Variants in DMXL2 observed in about 807,000 individuals in gnomAD.
DMXL2 encodes the protein dmX-like protein 2.
Under a neutral mutation model 331.1 loss-of-function variants are expected in DMXL2, and 103 were observed. The ratio of observed to expected loss-of-function variants is 0.31; its 90% confidence interval spans 0.27 to 0.37. The LOEUF is 0.37. Ranked by LOEUF, DMXL2 falls within the 10% of genes least tolerant of loss-of-function variation. DMXL2 has a pLI of 1.00. For missense variants in DMXL2, 3,171 were observed against 3,642.9 expected (o/e 0.87, Z 3.33); for synonymous variants, 1,281 against 1,252.1 (o/e 1.02, Z -0.49).
intron 2 of DMXL2, among the ~76,000 whole-genome samples, chr15:51,574,967 A>G (rs2050921794): frequency 6.6e-6 from 1 of 152,166 alleles, no homozygotes; most frequent in South Asian, 2.1e-4. Flanking sequence ...GAGCAACAAA[A>G]AATTAAAAAG....
At chr15:51,497,594 T>G (rs1005541551) in intron 18 of DMXL2, among the ~76,000 whole-genome samples, 1 of 152,234 alleles carries the variant, frequency 6.6e-6, no homozygotes, top group Non-Finnish European at 1.5e-5. Flanking sequence ...TTCTGATCAT[T>G]AATTTTCAGT....
intron 28 of DMXL2, 86 bp downstream of exon 28, chr15:51,474,258 G>T: frequency 7.5e-7 from 1 of 1,334,852 alleles, no homozygotes; most frequent in Non-Finnish European, 1.0e-6. Flanking sequence ...TATTTTCAAA[G>T]TGAAATTTCT....
intron 22 of DMXL2, among the ~76,000 whole-genome samples, chr15:51,486,840 C>A (rs1009182098): frequency 6.6e-6 from 1 of 152,074 alleles, no homozygotes; most frequent in African/African-American, 2.4e-5. Flanking sequence ...GCAATATGAG[C>A]ATCTCTCAGT....
rs181908686 is a variant in DMXL2 at position 51,529,247 on chromosome 15, G to T, written c.2436+6416C>A. On this transcript the variant is annotated intron_variant, in intron 13 of 43. Coordinates refer to ENST00000560891, the MANE Select transcript of DMXL2 (RefSeq NM_001378457.1). ...CAAACCCAAAATTGGTAAAGGAAAA[G>T]AAATAATAAAGATCAGAGCATAAAT... Among the ~76,000 whole-genome samples, 7 of 151,874 alleles carry T rather than the reference G, an allele frequency of 4.6e-5. No individual in the cohort carries two copies. The East Asian group carries it at 7.7e-4, about 17-fold the overall frequency.
At chr15:51,478,391 T>C in intron 25 of DMXL2, 44 bp from the exon 26 acceptor site, 1 of 1,533,066 alleles carries the variant, frequency 6.5e-7, no homozygotes, top group Non-Finnish European at 9.0e-7. Context: ...CTAACATTTC[T>C]ACACAACAGT....
At chr15:51,505,495 C>T (rs2046349280) in intron 16 of DMXL2, among the ~76,000 whole-genome samples, 1 of 152,222 alleles carries the variant, frequency 6.6e-6, no homozygotes, top group African/African-American at 2.4e-5. Context: ...CTAGAAATTA[C>T]TACATTCTCT....
intron 2 of DMXL2, among the ~76,000 whole-genome samples, chr15:51,572,770 A>T (rs1479656112): frequency 6.6e-6 from 1 of 152,124 alleles, no homozygotes; most frequent in Admixed American, 6.6e-5. Context: ...AAACTAGGTA[A>T]TGATGGAACG....
At chr15:51,580,845 T>G (rs2051359984) in intron 1 of DMXL2, among the ~76,000 whole-genome samples, 1 of 152,222 alleles carries the variant, frequency 6.6e-6, no homozygotes, top group African/African-American at 2.4e-5. Flanking sequence ...ATAATCCTAT[T>G]CTTATAGACC....
At chr15:51,594,939 G>C (rs555009697) in intron 1 of DMXL2, among the ~76,000 whole-genome samples, 1 of 151,074 alleles carries the variant, frequency 6.6e-6, no homozygotes, top group South Asian at 2.1e-4. Context: ...TATCTATGAC[G>C]GTCTGTCATA....
At chr15:51,574,155 C>G (rs897441250) in intron 2 of DMXL2, among the ~76,000 whole-genome samples, 2 of 152,236 alleles carry the variant, frequency 1.3e-5, no homozygotes, top group Admixed American at 6.5e-5. Flanking sequence ...GGGGAAAGAG[C>G]TGATGAAGAC....
chr15:51,513,440 A>G (rs1189253497), intron 15 of DMXL2, among the ~76,000 whole-genome samples: 1 of 152,216 alleles, frequency 6.6e-6, no homozygotes, highest in Non-Finnish European at 1.5e-5. Flanking sequence ...GAATAACACA[A>G]ATAAGAAAAG....
intron 15 of DMXL2, 56 bp downstream of exon 15, chr15:51,514,386 T>TA: frequency 9.7e-7 from 1 of 1,035,596 alleles, no homozygotes; most frequent in East Asian, 2.6e-5. Context: ...AGTGAAAACT[T>TA]AGAGATCATT....
chr15:51,602,709 T>C (rs1453665664), intron 1 of DMXL2, among the ~76,000 whole-genome samples: 1 of 152,206 alleles, frequency 6.6e-6, no homozygotes, highest in African/African-American at 2.4e-5. Flanking sequence ...ATAGAGTATA[T>C]TCAGCTAGCA....
At chr15:51,574,645 A>G (rs1011667126) in intron 2 of DMXL2, among the ~76,000 whole-genome samples, 1 of 152,218 alleles carries the variant, frequency 6.6e-6, no homozygotes, top group Non-Finnish European at 1.5e-5. Context: ...CAAGGTCACC[A>G]ATGTGAAAGT....
intron 6 of DMXL2, among the ~76,000 whole-genome samples, chr15:51,547,748 T>C (rs1351396108): frequency 6.6e-6 from 1 of 152,130 alleles, no homozygotes; most frequent in African/African-American, 2.4e-5. Context: ...GAAAGATCCA[T>C]GCTATCTTTT....
At chr15:51,456,223 A>G in intron 38 of DMXL2, 30 bp from the exon 39 acceptor site, 4 of 1,604,140 alleles carry the variant, frequency 2.5e-6, no homozygotes, top group Middle Eastern at 1.7e-4. Context: ...GCAGGAAATA[A>G]GAAATTAAAG....
chr15:51,617,349 G>A (rs2054351655), intron 1 of DMXL2, among the ~76,000 whole-genome samples: 1 of 152,180 alleles, frequency 6.6e-6, no homozygotes, highest in South Asian at 2.1e-4. Context: ...GACAGTCGCA[G>A]GCAACTATCA....
At position 51,539,249 on chromosome 15, in the gene DMXL2, A is replaced by G. The variant is rs112017667; in HGVS notation, c.1106-797T>C. On this transcript the variant is annotated intron_variant, in intron 9 of 43. Transcript: ENST00000560891. ...AAGAAAGAAAGAAAGAGAAAAGAAAACATTTCATACACATACACACAGAGA... is the reference window on the plus strand; with the variant it reads ...AAGAAAGAAAGAAAGAGAAAAGAAAGCATTTCATACACATACACACAGAGA... Among the ~76,000 whole-genome samples, 1,120 of 152,124 alleles carry G rather than the reference A, an allele frequency of 7.4e-3. 16 individuals carry two copies. The highest frequency in any genetic ancestry group is 0.026 in the African/African-American group (1,070 of 41,498).
chr15:51,476,625 G>A lies in DMXL2; in HGVS notation c.6928C>T (p.His2310Tyr), dbSNP rs769367718. 2 of 1,611,398 alleles carry A rather than the reference G, an allele frequency of 1.2e-6. No individual in the cohort carries two copies. Among genetic ancestry groups the A allele is most frequent in the Non-Finnish European group, 1.7e-6 (2 of 1,179,104 alleles). Residue 2310 changes from histidine (H) to tyrosine (Y), a missense_variant, in exon 27 of 44, where the codon CAC becomes TAC. By Grantham distance (83) the His-to-Tyr change is moderately conservative. This residue lies in a region of DMXL2 where 766 missense variants were observed against 940.5 expected (regional missense o/e 0.81). Transcript: ENST00000560891. ...GCAGGAGATGAATTTGGTGTTGCGT[G>A]TTCTTCAATGCTTTCTGTCCTTAGT... ...RRLRTESIEE[H>Y]ATPNSSPAQW...
Sources: gnomAD v4.1 joint callset for allele counts (sites outside exome capture counted in the v4.1 genomes callset) on GRCh38, gnomAD v4.1.1 for gene constraint, gnomAD v4.1.1 regional missense constraint, MANE v1.5 for transcripts, NCBI Gene and HGNC (gene_info 2026-07-23, HGNC 2026-07-21) for gene names.